The following SCD5 variants were observed in gnomAD, a reference collection of about 807,000 sequenced individuals.
SCD5 encodes stearoyl-CoA desaturase 5.
In SCD5, 20 loss-of-function variants were observed where a neutral mutation model predicts 30.4. That is an observed-to-expected ratio of 0.66 (90% CI 0.46 to 0.96). The LOEUF (loss-of-function observed/expected upper bound fraction) is 0.96, where lower values mean the gene tolerates loss of function less well. Ranked by LOEUF, SCD5 falls within the 40% of genes least tolerant of loss-of-function variation. SCD5 has a pLI of 0.00. For synonymous variants in SCD5, 173 were observed against 176.4 expected (o/e 0.98, Z 0.16); for missense variants, 381 against 443.3 (o/e 0.86, Z 1.26).
chr4:82,761,308 T>C (rs1350353475), intron 1 of SCD5, among the ~76,000 whole-genome samples: 1 of 152,198 alleles, frequency 6.6e-6, no homozygotes, highest in Non-Finnish European at 1.5e-5. Context: ...AACCCAAATC[T>C]TGTCTTCTCC....
chr4:82,786,592 G>T (rs1417180393), intron 1 of SCD5, among the ~76,000 whole-genome samples: 1 of 152,034 alleles, frequency 6.6e-6, no homozygotes, highest in African/African-American at 2.4e-5. Flanking sequence ...CTGAGTTCAG[G>T]AGTTCGAGAC....
chr4:82,679,280 G>GAAAGAAAGA (rs201019722), intron 3 of SCD5, among the ~76,000 whole-genome samples: 3 of 113,348 alleles, frequency 2.6e-5, no homozygotes, highest in African/African-American at 3.3e-5. Flanking sequence ...AAGAAAGAAA[G>GAAAGAAAGA]AAGGAAGGAA....
intron 1 of SCD5, 150 bp from the exon 2 acceptor site, chr4:82,705,563 G>A (rs553456705): frequency 6.3e-6 from 7 of 1,107,238 alleles, no homozygotes; most frequent in Non-Finnish European, 9.0e-6. Context: ...AGAGGAGGCA[G>A]CCTTTTTATT....
intron 3 of SCD5, among the ~76,000 whole-genome samples, chr4:82,671,193 T>C (rs1204373355): frequency 1.3e-5 from 2 of 152,198 alleles, no homozygotes; most frequent in Non-Finnish European, 2.9e-5. Flanking sequence ...GAAGACATAA[T>C]GATCCTTAAT....
At chr4:82,784,924 G>A (rs1721953755) in intron 1 of SCD5, among the ~76,000 whole-genome samples, 1 of 152,180 alleles carries the variant, frequency 6.6e-6, no homozygotes, top group Non-Finnish European at 1.5e-5. Context: ...GGAGTACCAG[G>A]GAAGGCAGCA....
intron 1 of SCD5, among the ~76,000 whole-genome samples, chr4:82,759,092 A>G (rs780167738): frequency 1.5e-4 from 23 of 152,172 alleles, no homozygotes; most frequent in Non-Finnish European, 2.8e-4. Flanking sequence ...TTTCCTCTAC[A>G]GCCCCAGCAC....
At chr4:82,646,845 C>T (rs966138935) in intron 3 of SCD5, among the ~76,000 whole-genome samples, 7 of 152,216 alleles carry the variant, frequency 4.6e-5, no homozygotes, top group Non-Finnish European at 1.0e-4. Context: ...CCTTTTGAGA[C>T]GGAGTCTCGC....
chr4:82,700,970 ATTATTC>A (rs763483492), intron 2 of SCD5, among the ~76,000 whole-genome samples: 1 of 152,198 alleles, frequency 6.6e-6, no homozygotes, highest in Non-Finnish European at 1.5e-5. Flanking sequence ...AGAAACTTTT[ATTATTC>A]TTATTCTTAA....
intron 4 of SCD5, among the ~76,000 whole-genome samples, 154 bp downstream of exon 4, chr4:82,636,435 AGT>A (rs1727431327): frequency 6.9e-6 from 1 of 144,382 alleles, no homozygotes; most frequent in Non-Finnish European, 1.5e-5. Flanking sequence ...TGGCCAACAG[AGT>A]GAGACTCTAT....
intron 3 of SCD5, among the ~76,000 whole-genome samples, chr4:82,679,902 T>A (rs547977284): frequency 1.3e-5 from 2 of 152,298 alleles, no homozygotes; most frequent in South Asian, 4.1e-4. Flanking sequence ...GTGGAGATGG[T>A]CACTAGTAAC....
intron 3 of SCD5, among the ~76,000 whole-genome samples, chr4:82,670,627 A>T (rs1162634992): frequency 3.3e-5 from 5 of 152,048 alleles, no homozygotes; most frequent in Non-Finnish European, 5.9e-5. Flanking sequence ...ATCAATTGAT[A>T]TGGAATATCA....
At chr4:82,735,754 T>A (rs1401713397) in intron 1 of SCD5, among the ~76,000 whole-genome samples, 2 of 152,232 alleles carry the variant, frequency 1.3e-5, no homozygotes, top group African/African-American at 4.8e-5. Flanking sequence ...TCACAGTTAT[T>A]TCCATTTTTA....
chr4:82,630,724 T>A lies in SCD5; in HGVS notation c.*603A>T, dbSNP rs1326014876. ...GGGAGGCTGAGGCAGGAGAATGGCG[T>A]GAACCCGGGAGGCGGAGCTTGCAGT... On this transcript the variant is annotated 3_prime_UTR_variant, in exon 5 of 5. Coordinates refer to ENST00000319540, the MANE Select transcript of SCD5 (RefSeq NM_001037582.3). The A allele has an allele frequency of 1.2e-5, 1 of 84,184 alleles. No homozygotes were observed. The highest frequency in any genetic ancestry group is 2.3e-5 in the Non-Finnish European group (1 of 44,248). 5.2% of individuals were successfully genotyped at this position (84,184 alleles called of 1,614,324 possible). A position where few individuals can be genotyped will look rare whatever the true frequency, so the allele number is the denominator to read the frequency against.
intron 1 of SCD5, among the ~76,000 whole-genome samples, chr4:82,795,809 C>CACA (rs1722199038): frequency 2.3e-5 from 1 of 43,902 alleles, no homozygotes; most frequent in African/African-American, 8.8e-5. Flanking sequence ...CCCTGTCTCA[C>CACA]AAAAAAAAAA....
chr4:82,698,513 G>A (rs1400515524), intron 2 of SCD5, among the ~76,000 whole-genome samples: 3 of 152,204 alleles, frequency 2.0e-5, no homozygotes, highest in East Asian at 1.9e-4. Flanking sequence ...GGAAACGCAT[G>A]AGGCCATGTC....
chr4:82,747,055 A>T (rs1045222710), intron 1 of SCD5, among the ~76,000 whole-genome samples: 2 of 122,256 alleles, frequency 1.6e-5, no homozygotes, highest in African/African-American at 5.4e-5. Flanking sequence ...GTTAGAGAAA[A>T]GTCTGGGCAA....
At chr4:82,706,295 G>A (rs556746118) in intron 1 of SCD5, among the ~76,000 whole-genome samples, 3 of 152,184 alleles carry the variant, frequency 2.0e-5, no homozygotes, top group Non-Finnish European at 4.4e-5. Context: ...GACCTTGGGT[G>A]CAATAAAATT....
Position 82,636,802 on chromosome 4 carries a change from C to G in SCD5, c.591G>C (p.Val197=). The change falls in exon 4 of 5, where the codon GTG becomes GTC. Residue 197 remains valine (V), a synonymous_variant. Transcript: ENST00000319540. Reference sequence around the variant, plus strand: ...GCGTGGGGACCACAAAGCACATGAGCACCACGGAGATCTTATAGTACCTAC... The same window carrying G: ...GCGTGGGGACCACAAAGCACATGAGGACCACGGAGATCTTATAGTACCTAC... ...IQRKYYKISV[V]LMCFVVPTLV... 6.2e-7 allele frequency: 1 copy of G among 1,613,420 alleles called. No homozygotes were observed. Among genetic ancestry groups the G allele is most frequent in the Non-Finnish European group, 8.5e-7 (1 of 1,179,570 alleles).
intron 1 of SCD5, among the ~76,000 whole-genome samples, chr4:82,763,485 TG>T (rs1478988162): frequency 5.9e-5 from 9 of 152,316 alleles, no homozygotes; most frequent in Non-Finnish European, 1.0e-4. Context: ...CACTCCAGCC[TG>T]GGTGACAAAG....
Sources: gnomAD v4.1 joint callset for allele counts (sites outside exome capture counted in the v4.1 genomes callset) on GRCh38, gnomAD v4.1.1 for gene constraint, MANE v1.5 for transcripts, NCBI Gene and HGNC (gene_info 2026-07-23, HGNC 2026-07-21) for gene names.